ZNF696: variants seen among roughly 807,000 people sequenced by gnomAD.
ZNF696 encodes the protein zinc finger protein 696.
A neutral mutation model predicts 12.3 loss-of-function variants in ZNF696; 10 were observed. The observed-to-expected ratio is 0.81, with a 90% CI of 0.50 to 1.38. The LOEUF is 1.38. Among genes scored for constraint, ZNF696 ranks in the 40% most tolerant of loss-of-function variants. ZNF696 has a pLI of 0.00. For missense variants in ZNF696, 675 were observed against 554.7 expected, an observed-to-expected ratio of 1.22 and a Z score of -2.18; for synonymous variants, 304 against 243.9, an observed-to-expected ratio of 1.25 and a Z score of -2.29.
chr8:143,295,794 T>G lies in ZNF696; in HGVS notation c.119T>G (p.Val40Gly). The change falls in exon 3 of 3, where the codon GTG becomes GGG. Residue 40 changes from valine (V) to glycine (G), a missense_variant. Val to Gly is a moderately radical substitution (Grantham distance 109). Coordinates refer to ENST00000330143, the MANE Select transcript of ZNF696 (RefSeq NM_030895.3). ...CCGAGTGGCAGCCGGTCAGCCGAGGTGCAGGCAGCTCAGAGCACGGAGCCT... is the reference window on the plus strand; with the variant it reads ...CCGAGTGGCAGCCGGTCAGCCGAGGGGCAGGCAGCTCAGAGCACGGAGCCT... ...QAPSGSRSAEVQAAQSTEPAA... is the reference protein window; with the variant it reads ...QAPSGSRSAEGQAAQSTEPAA... The G allele has an allele frequency of 6.2e-7, 1 of 1,603,970 alleles. No individual in the cohort carries two copies. The highest frequency in any genetic ancestry group is 8.5e-7 in the Non-Finnish European group (1 of 1,176,460).
chr8:143,296,263 C>G lies in ZNF696; in HGVS notation c.588C>G (p.Leu196=), dbSNP rs757773639. The G allele has an allele frequency of 3.8e-6, 6 of 1,598,026 alleles. No individual in the cohort carries two copies. The East Asian group carries it at 1.3e-4, about 36-fold the overall frequency. The part of the protein sequence containing the change: ...CGKAFGQSFN[L]LRHQRVHTGE... ...AGGCCTTCGGCCAGAGCTTCAACCT[C>G]CTCCGGCACCAGCGCGTGCACACGG... The change falls in exon 3 of 3, where the codon CTC becomes CTG. Residue 196 remains leucine, a synonymous_variant. Transcript: ENST00000330143.
chr8:143,296,257 C>T lies in ZNF696; in HGVS notation c.582C>T (p.Phe194=). ...AECGKAFGQS[F]NLLRHQRVHT... ...GCGGCAAGGCCTTCGGCCAGAGCTTCAACCTCCTCCGGCACCAGCGCGTGC... is the reference window on the plus strand; with the variant it reads ...GCGGCAAGGCCTTCGGCCAGAGCTTTAACCTCCTCCGGCACCAGCGCGTGC... Residue 194 remains phenylalanine, a synonymous_variant, in exon 3 of 3, where the codon TTC becomes TTT. Coordinates refer to ENST00000330143, the MANE Select transcript of ZNF696 (RefSeq NM_030895.3). The T allele has an allele frequency of 1.9e-6, 3 of 1,596,774 alleles. No homozygotes were observed. Among genetic ancestry groups the T allele is most frequent in the Middle Eastern group, 3.3e-4 (2 of 6,020 alleles).
In ZNF696 at chr8:143,296,855, C is replaced by G. The variant is rs1167976079; in HGVS notation, c.*55C>G. ...GGCCTGGTGGGCGCGAGGCCGAGGC[C>G]GGGGGAGGCTCCTGTCCGCCCCGTG... On this transcript the variant is annotated 3_prime_UTR_variant, in exon 3 of 3. Coordinates refer to ENST00000330143, the MANE Select transcript of ZNF696 (RefSeq NM_030895.3). The G allele has an allele frequency of 1.5e-6, 2 of 1,347,456 alleles. No homozygotes were observed. Among genetic ancestry groups the G allele is most frequent in the Non-Finnish European group, 1.9e-6 (2 of 1,050,352 alleles). The allele number at this position is 1,347,456 out of a possible 1,614,324, so 83.5% of individuals were successfully genotyped here.
chr8:143,299,069 G>A lies in ZNF696; in HGVS notation c.*2269G>A, dbSNP rs1815762943. On this transcript the variant is annotated 3_prime_UTR_variant, in exon 3 of 3. Transcript: ENST00000330143. ...AGCTACTCGGGCAGCTGAGGCAGGA[G>A]AATCCCTTGAACCTGGGAGGCAGAA... Among the ~76,000 whole-genome samples, 1 of 152,304 alleles carries A rather than the reference G, an allele frequency of 6.6e-6. No homozygotes were observed.
chr8:143,293,278 A>G, intron 2 of ZNF696: 1 of 581,738 alleles, frequency 1.7e-6, no homozygotes, highest in Non-Finnish European at 3.0e-6. Flanking sequence ...TTTGGTTAGA[A>G]AGTCTGGCAG....
In ZNF696 at chr8:143,296,085, C is replaced by T. The variant is rs933909096; in HGVS notation, c.410C>T (p.Ser137Phe). 2 of 1,602,010 alleles carry T rather than the reference C, an allele frequency of 1.2e-6. No individual in the cohort carries two copies. Among genetic ancestry groups the T allele is most frequent in the Admixed American group, 1.7e-5 (1 of 58,768 alleles). ...GCCTGTGGCCGCAGCTTCAAGTGCT[C>T]CTCGGACGCGGCAAAGCACCGGAGC... The part of the protein sequence containing the change: ...CGACGRSFKC[S>F]SDAAKHRSIH... The change falls in exon 3 of 3, where the codon TCC becomes TTC. Residue 137 changes from serine (S) to phenylalanine (F), a missense_variant. Transcript: ENST00000330143.
chr8:143,296,047 T>C lies in ZNF696; in HGVS notation c.372T>C (p.Pro124=), dbSNP rs1326187947. ...GCGGGGGCAGCTGGAAGGGGCGGCC[T>C]TTCCCGTGCGGCGCCTGTGGCCGCA... ...AEGGGSWKGR[P]FPCGACGRSF... The change falls in exon 3 of 3, where the codon CCT becomes CCC. Residue 124 remains proline (P), a synonymous_variant. Transcript: ENST00000330143. 6.3e-7 allele frequency: 1 copy of C among 1,593,222 alleles called. No individual in the cohort carries two copies. The highest frequency in any genetic ancestry group is 1.3e-5 in the African/African-American group (1 of 74,518).
intron 1 of ZNF696, 33 bp from the exon 2 acceptor site, chr8:143,292,939 G>A (rs1358696766): frequency 1.9e-6 from 3 of 1,583,050 alleles, no homozygotes; most frequent in African/African-American, 1.3e-5. Flanking sequence ...AGCCCTGGCT[G>A]TGATTTATTT....
intron 1 of ZNF696, chr8:143,292,372 C>A (rs954489288): frequency 1.3e-5 from 2 of 151,302 alleles, no homozygotes; most frequent in Non-Finnish European, 2.9e-5. Context: ...CTTCCTTTCT[C>A]ATTAATATAT....
In ZNF696 at chr8:143,291,548, G is replaced by T. The variant is rs6558345; in HGVS notation, c.-250G>T. On this transcript the variant is annotated 5_prime_UTR_variant, in exon 1 of 3. Transcript: ENST00000330143. Reference sequence around the variant, plus strand: ...CGCCGCCGTGGCCCGCGCGTCCCGCGCTCTCCTTGCAGTGCAGGCCCCAGC... The same window carrying T: ...CGCCGCCGTGGCCCGCGCGTCCCGCTCTCTCCTTGCAGTGCAGGCCCCAGC... 1 of 985,336 alleles carries T rather than the reference G, an allele frequency of 1.0e-6. No individual in the cohort carries two copies. The highest frequency in any genetic ancestry group is 1.7e-5 in the African/African-American group (1 of 57,326). The allele number at this position is 985,336 out of a possible 1,614,324, so 61.0% of individuals were successfully genotyped here.
Position 143,296,407 on chromosome 8 carries a change from G to A in ZNF696, c.732G>A (p.Lys244=), listed in dbSNP as rs767718898. 3 of 1,594,414 alleles carry A rather than the reference G, an allele frequency of 1.9e-6. No homozygotes were observed. The highest frequency in any genetic ancestry group is 2.6e-6 in the Non-Finnish European group (3 of 1,173,276). The change falls in exon 3 of 3, where the codon AAG becomes AAA. Residue 244 remains lysine (K), a synonymous_variant. Coordinates refer to ENST00000330143, the MANE Select transcript of ZNF696 (RefSeq NM_030895.3). Reference sequence around the variant, plus strand: ...TGTACGCGTGCGGCGAGTGCGGGAAGCGCTTCCTGCACAGCTCGAACGTGG... The same window carrying A: ...TGTACGCGTGCGGCGAGTGCGGGAAACGCTTCCTGCACAGCTCGAACGTGG... The part of the protein sequence containing the change: ...ERLYACGECG[K]RFLHSSNVVR...
intron 2 of ZNF696, 32 bp from the exon 3 acceptor site, chr8:143,295,708 C>G: frequency 3.3e-6 from 5 of 1,522,796 alleles, no homozygotes; most frequent in Non-Finnish European, 4.4e-6. Context: ...TCTCTTACAT[C>G]TAAAATCGTT....
rs1815757562 is a variant in ZNF696, at chr8:143,298,678, C to G, written c.*1878C>G. 6.6e-6 allele frequency among the ~76,000 whole-genome samples: 1 copy of G among 152,170 alleles called. No individual in the cohort carries two copies. ...AGAGGATAGTTATGTGTGAGGTGTTCAAAGAAGTCGCGCAGTCAGTGATGA... is the reference window on the plus strand; with the variant it reads ...AGAGGATAGTTATGTGTGAGGTGTTGAAAGAAGTCGCGCAGTCAGTGATGA... On this transcript the variant is annotated 3_prime_UTR_variant, in exon 3 of 3. Coordinates refer to ENST00000330143, the MANE Select transcript of ZNF696 (RefSeq NM_030895.3).
chr8:143,296,433 TC>T lies in ZNF696; in HGVS notation c.760del (p.Arg254GlyfsTer107). 1 of 1,605,450 alleles carries T rather than the reference TC, an allele frequency of 6.2e-7. No homozygotes were observed. The highest frequency in any genetic ancestry group is 8.5e-7 in the Non-Finnish European group (1 of 1,178,106). On this transcript the variant is annotated frameshift_variant, in exon 3 of 3. Transcript: ENST00000330143. LOFTEE classifies it high-confidence loss of function. ...GKRFLHSSNV[V>X]RHRRTHHGEN... ...CGCTTCCTGCACAGCTCGAACGTGG[TC>T]CGGCACCGGCGGACCCACCACGGGG... is the stretch of plus-strand genomic sequence containing the variant.
chr8:143,296,033 T>G lies in ZNF696; in HGVS notation c.358T>G (p.Trp120Gly). The G allele has an allele frequency of 6.3e-7, 1 of 1,594,860 alleles. No homozygotes were observed. The highest frequency in any genetic ancestry group is 8.5e-7 in the Non-Finnish European group (1 of 1,170,304). ...CCCCGGCGCAGAGGGCGGGGGCAGCTGGAAGGGGCGGCCTTTCCCGTGCGG... is the reference window on the plus strand; with the variant it reads ...CCCCGGCGCAGAGGGCGGGGGCAGCGGGAAGGGGCGGCCTTTCCCGTGCGG... ...AGPGAEGGGS[W>G]KGRPFPCGAC... Residue 120 changes from tryptophan (W) to glycine (G), a missense_variant, in exon 3 of 3, where the codon TGG becomes GGG. Trp to Gly is a radical substitution (Grantham distance 184). Coordinates refer to ENST00000330143, the MANE Select transcript of ZNF696 (RefSeq NM_030895.3).
intron 2 of ZNF696, among the ~76,000 whole-genome samples, chr8:143,294,041 C>T (rs991865192): frequency 7.2e-5 from 11 of 152,208 alleles, no homozygotes; most frequent in Non-Finnish European, 1.3e-4. Context: ...GGACTGCCTG[C>T]AGACTGAGAA....
In ZNF696 at chr8:143,293,424, T is replaced by C; in HGVS notation, c.64+359T>C. ...GGACGTTCGGCAGCACCCTCGCCTC[T>C]GCCCACTTGGTGTCAGTAGGGCCCC... On this transcript the variant is annotated intron_variant, in intron 2 of 2. Coordinates refer to ENST00000330143, the MANE Select transcript of ZNF696 (RefSeq NM_030895.3). 1.7e-5 allele frequency: 7 copies of C among 402,924 alleles called. No individual in the cohort carries two copies. The Admixed American group carries it at 2.0e-4, about 12-fold the overall frequency. 25.0% of individuals were successfully genotyped at this position (402,924 alleles called of 1,614,324 possible). A position where few individuals can be genotyped will look rare whatever the true frequency, so the allele number is the denominator to read the frequency against.
chr8:143,296,188 C>T lies in ZNF696; in HGVS notation c.513C>T (p.His171=). The change falls in exon 3 of 3, where the codon CAC becomes CAT. Residue 171 remains histidine, a synonymous_variant. Coordinates refer to ENST00000330143, the MANE Select transcript of ZNF696 (RefSeq NM_030895.3). ...TCCACAGCTCGCACGTGGTCCGGCA[C>T]CAGCGGGCGCACAGCGGGGAGAGGC... The part of the protein sequence containing the change: ...AFIHSSHVVR[H]QRAHSGERPY... 2 of 1,600,082 alleles carry T rather than the reference C, an allele frequency of 1.2e-6. No individual in the cohort carries two copies. Among genetic ancestry groups the T allele is most frequent in the Middle Eastern group, 1.7e-4 (1 of 6,038 alleles).
At position 143,298,042 on chromosome 8, in the gene ZNF696, T is replaced by TA. The variant is rs1815749524; in HGVS notation, c.*1245dup. 1 of 152,174 alleles carries TA rather than the reference T, an allele frequency of 6.6e-6. No individual in the cohort carries two copies. The highest frequency in any genetic ancestry group is 1.5e-5 in the Non-Finnish European group (1 of 68,026). 9.4% of individuals were successfully genotyped at this position (152,174 alleles called of 1,614,324 possible). ...GGGGAGCGTTTTTGGGGGCGTATAG[T>TA]AAAGCTCTGTCATCATGAATTAAGC... On this transcript the variant is annotated 3_prime_UTR_variant, in exon 3 of 3. Coordinates refer to ENST00000330143, the MANE Select transcript of ZNF696 (RefSeq NM_030895.3).
Sources: gnomAD v4.1 joint callset for allele counts (sites outside exome capture counted in the v4.1 genomes callset) on GRCh38, gnomAD v4.1.1 for gene constraint, MANE v1.5 for transcripts, NCBI Gene and HGNC (gene_info 2026-07-23, HGNC 2026-07-21) for gene names.